The following PDE3A variants were observed in gnomAD, a reference collection of about 807,000 sequenced individuals.
PDE3A encodes phosphodiesterase 3A.
Under a neutral mutation model 98.3 loss-of-function variants are expected in PDE3A, and 43 were observed. The observed-to-expected ratio is 0.44, with a 90% confidence interval of 0.34 to 0.56. The LOEUF is 0.56. Among genes scored for constraint, PDE3A ranks in the 20% least tolerant of loss-of-function variants. The pLI is 0.01. For synonymous variants in PDE3A, 663 were observed against 567.9 expected (o/e 1.17, Z -2.38); for missense variants, 1,427 against 1,440.7 (o/e 0.99, Z 0.15).
intron 1 of PDE3A, among the ~76,000 whole-genome samples, chr12:20,493,227 T>C (rs1945859263): frequency 1.3e-5 from 2 of 152,164 alleles, no homozygotes; most frequent in African/African-American, 4.8e-5. Context: ...TAGCAGTGTA[T>C]CTTGATCACC....
intron 1 of PDE3A, among the ~76,000 whole-genome samples, chr12:20,391,260 G>T (rs1943908380): frequency 6.6e-6 from 1 of 151,110 alleles, no homozygotes; most frequent in Non-Finnish European, 1.5e-5. Context: ...ACTATAGTTT[G>T]TCTTTTGTAC....
chr12:20,643,828 TG>T (rs1944703922), intron 10 of PDE3A, among the ~76,000 whole-genome samples: 1 of 152,302 alleles, frequency 6.6e-6, no homozygotes, highest in Non-Finnish European at 1.5e-5. Context: ...TTTGTTTTTT[TG>T]TTTTTTTAAA....
At chr12:20,393,408 A>T (rs2120620325) in intron 1 of PDE3A, among the ~76,000 whole-genome samples, 1 of 152,128 alleles carries the variant, frequency 6.6e-6, no homozygotes, top group Non-Finnish European at 1.5e-5. Context: ...TGCTGCCATC[A>T]TTCAGTTACC....
chr12:20,593,350 A>C (rs1251520252), intron 2 of PDE3A, among the ~76,000 whole-genome samples: 1 of 152,156 alleles, frequency 6.6e-6, no homozygotes, highest in African/African-American at 2.4e-5. Flanking sequence ...ATGTTAACAC[A>C]CTTAAAGACA....
intron 4 of PDE3A, 106 bp from the exon 5 acceptor site, chr12:20,621,190 G>A: frequency 3.0e-6 from 2 of 665,212 alleles, no homozygotes; most frequent in Non-Finnish European, 5.4e-6. Context: ...ACTCAGATTG[G>A]CAAATCTATT....
chr12:20,575,071 T>TTAAG (rs1942898633), intron 2 of PDE3A, among the ~76,000 whole-genome samples: 1 of 152,042 alleles, frequency 6.6e-6, no homozygotes, highest in African/African-American at 2.4e-5. Flanking sequence ...ATTATTTGTC[T>TTAAG]TAAGTTGGAA....
intron 1 of PDE3A, among the ~76,000 whole-genome samples, chr12:20,476,406 T>G (rs1945532984): frequency 6.6e-6 from 1 of 152,232 alleles, no homozygotes; most frequent in Non-Finnish European, 1.5e-5. Flanking sequence ...ATGATCTTAA[T>G]AAGTAGAGAT....
chr12:20,654,764 G>A (rs1037801575), intron 15 of PDE3A, among the ~76,000 whole-genome samples: 2 of 145,970 alleles, frequency 1.4e-5, no homozygotes, highest in South Asian at 2.2e-4. Context: ...TGCCTGCCTC[G>A]ACCTCCCAAA....
At position 20,650,595 on chromosome 12, in the gene PDE3A, G is replaced by A; in HGVS notation, c.2920G>A (p.Glu974Lys). The change falls in exon 14 of 16, where the codon GAA becomes AAA. Residue 974 changes from glutamate to lysine, a missense_variant. Transcript: ENST00000359062. Reference sequence around the variant, plus strand: ...AGATGGTATTGTCAATGAATTTTATGAACAGGTAACTGACCACTGTTTAAT... The same window carrying A: ...AGATGGTATTGTCAATGAATTTTATAAACAGGTAACTGACCACTGTTTAAT... ...WTDGIVNEFY[E>K]QGDEEASLGL... is the part of the protein sequence containing the mutation. 1.2e-6 allele frequency: 2 copies of A among 1,607,910 alleles called. No individual in the cohort carries two copies. Among genetic ancestry groups the A allele is most frequent in the Non-Finnish European group, 1.7e-6 (2 of 1,175,116 alleles).
chr12:20,656,279 T>C (rs1945041682), intron 15 of PDE3A, among the ~76,000 whole-genome samples: 1 of 152,188 alleles, frequency 6.6e-6, no homozygotes, highest in African/African-American at 2.4e-5. Flanking sequence ...TCCAACCATC[T>C]TGTAAGGAGA....
intron 1 of PDE3A, among the ~76,000 whole-genome samples, chr12:20,431,807 G>T (rs749184457): frequency 6.6e-6 from 1 of 152,182 alleles, no homozygotes; most frequent in Non-Finnish European, 1.5e-5. Flanking sequence ...TATCTCAATT[G>T]TGTATAAACC....
At chr12:20,425,950 A>G (rs1944595259) in intron 1 of PDE3A, among the ~76,000 whole-genome samples, 1 of 152,168 alleles carries the variant, frequency 6.6e-6, no homozygotes, top group Admixed American at 6.5e-5. Flanking sequence ...AATGTGTATG[A>G]CACCTATTTC....
At chr12:20,382,985 T>C (rs1413608732) in intron 1 of PDE3A, among the ~76,000 whole-genome samples, 4 of 151,948 alleles carry the variant, frequency 2.6e-5, no homozygotes, top group Non-Finnish European at 5.9e-5. Flanking sequence ...AGTTAAATTG[T>C]AAGCAAAGCC....
intron 2 of PDE3A, among the ~76,000 whole-genome samples, chr12:20,566,203 G>A (rs776953893): frequency 7.9e-5 from 12 of 151,798 alleles, no homozygotes; most frequent in Non-Finnish European, 1.3e-4. Context: ...GCTTTTTGGC[G>A]GAGTTTTTTT....
At chr12:20,460,129 A>T (rs1945222029) in intron 1 of PDE3A, among the ~76,000 whole-genome samples, 1 of 152,190 alleles carries the variant, frequency 6.6e-6, no homozygotes, top group African/African-American at 2.4e-5. Context: ...AATAGCCTAT[A>T]CTTCTTCCAC....
At chr12:20,499,649 C>A (rs1945984672) in intron 1 of PDE3A, among the ~76,000 whole-genome samples, 1 of 152,008 alleles carries the variant, frequency 6.6e-6, no homozygotes, top group South Asian at 2.1e-4. Context: ...TTCTCTCCAC[C>A]CCGATTCTGC....
chr12:20,408,328 T>A (rs1944271519), intron 1 of PDE3A, among the ~76,000 whole-genome samples: 1 of 152,242 alleles, frequency 6.6e-6, no homozygotes, highest in Non-Finnish European at 1.5e-5. Context: ...CAAGTGTTAT[T>A]AGTCTTCCTA....
At position 20,686,232 on chromosome 12, in the gene PDE3A, CT is replaced by C. The variant is rs1314617600; in HGVS notation, c.*5964del. ...ATAAAAATTAGTGTCAATAATTTAA[CT>C]TTGTACAAATTATAGTCTGAGATCT... On this transcript the variant is annotated 3_prime_UTR_variant, in exon 16 of 16. Transcript: ENST00000359062. 6.6e-6 allele frequency among the ~76,000 whole-genome samples: 1 copy of C among 152,082 alleles called. No individual in the cohort carries two copies. Among genetic ancestry groups the C allele is most frequent in the Non-Finnish European group, 1.5e-5 (1 of 67,994 alleles).
intron 1 of PDE3A, chr12:20,551,757 G>T (rs1302231092): frequency 1.9e-6 from 3 of 1,612,776 alleles, no homozygotes; most frequent in Non-Finnish European, 2.5e-6. Flanking sequence ...CGGGAGAGCG[G>T]CTGAGAGAGA....
Sources: gnomAD v4.1 joint callset for allele counts (sites outside exome capture counted in the v4.1 genomes callset) on GRCh38, gnomAD v4.1.1 for gene constraint, MANE v1.5 for transcripts, NCBI Gene and HGNC (gene_info 2026-07-23, HGNC 2026-07-21) for gene names.